SANBR: variants seen among roughly 807,000 people sequenced by gnomAD.
SANBR encodes SANT and BTB domain regulator of class switch recombination.
SANBR carries 77 observed loss-of-function variants against 101.8 expected under a neutral mutation model. The ratio of observed to expected loss-of-function variants is 0.76; its 90% CI spans 0.63 to 0.91. The LOEUF (loss-of-function observed/expected upper bound fraction) is 0.91. Ranked by LOEUF, SANBR falls within the 40% of genes least tolerant of loss-of-function variation. The pLI, the probability that SANBR is intolerant of heterozygous loss-of-function variation, is 0.00. For missense variants in SANBR, 875 were observed against 853.0 expected, an observed-to-expected ratio of 1.03 and a Z score of -0.32; for synonymous variants, 279 against 274.7, an observed-to-expected ratio of 1.02 and a Z score of -0.15.
chr2:61,075,027 G>T (rs1226700573), intron 5 of SANBR: 1 of 151,446 alleles, frequency 6.6e-6, no homozygotes, highest in African/African-American at 2.4e-5. Flanking sequence ...TGAACTCCTG[G>T]GCTCAAGCAG....
chr2:61,070,319 C>CTTTTTT, intron 2 of SANBR, 23 bp from the exon 3 acceptor site: 1 of 1,525,702 alleles, frequency 6.6e-7, no homozygotes, highest in South Asian at 1.3e-5. Context: ...TTAAATAAAG[C>CTTTTTT]TTTTTGTCTT....
intron 11 of SANBR, among the ~76,000 whole-genome samples, chr2:61,094,664 A>G (rs1468074498): frequency 2.1e-4 from 18 of 86,506 alleles, no homozygotes; most frequent in African/African-American, 7.1e-4. Context: ...TTTTTTTGAG[A>G]TGGAGTTTCA....
chr2:61,104,267 G>A (rs1284496466), intron 13 of SANBR, among the ~76,000 whole-genome samples: 2 of 152,070 alleles, frequency 1.3e-5, no homozygotes, highest in African/African-American at 2.4e-5. Context: ...CGGATCACGA[G>A]GTCAGGAGAT....
rs1350495863 is a variant in SANBR, at chr2:61,097,831, T to C, written c.1344T>C (p.Phe448=). 6.2e-7 allele frequency: 1 copy of C among 1,613,266 alleles called. No individual in the cohort carries two copies. The highest frequency in any genetic ancestry group is 1.3e-5 in the African/African-American group (1 of 75,028). The change falls in exon 12 of 22, where the codon TTT becomes TTC. Residue 448 remains phenylalanine (F), a synonymous_variant. Coordinates refer to ENST00000402291, the MANE Select transcript of SANBR (RefSeq NM_001129993.3). The part of the protein sequence containing the change: ...YPCCNQKVLR[F]DPTQLTKGCK... ...GCTGTAACCAAAAGGTTCTTCGGTT[T>C]GATCCTACTCAGCTTACAAAGGTGA...
At chr2:61,081,295 A>C (rs1682110779) in intron 6 of SANBR, among the ~76,000 whole-genome samples, 157 bp from the exon 7 acceptor site, 1 of 151,970 alleles carries the variant, frequency 6.6e-6, no homozygotes, top group Non-Finnish European at 1.5e-5. Context: ...TTAACATTGA[A>C]TTTTCTTTAT....
chr2:61,094,964 T>C (rs986543449), intron 11 of SANBR, among the ~76,000 whole-genome samples: 18 of 152,126 alleles, frequency 1.2e-4, no homozygotes, highest in African/African-American at 4.1e-4. Context: ...TCTTATTACC[T>C]AGGAGTAGGA....
In SANBR at chr2:61,092,518, A is replaced by C; in HGVS notation, c.1143A>C (p.Lys381Asn). Residue 381 changes from lysine to asparagine, a missense_variant, in exon 11 of 22, where the codon AAA becomes AAC. Transcript: ENST00000402291. ...EYLNSLFEEL[K>N]SWRDVYWRLW... The stretch of plus-strand genomic sequence containing the variant: ...TGAATAGTCTTTTCGAAGAATTAAA[A>C]TCTTGGAGAGATGTATACTGGCGAT... 6.2e-7 allele frequency: 1 copy of C among 1,606,828 alleles called. No homozygotes were observed. The highest frequency in any genetic ancestry group is 8.5e-7 in the Non-Finnish European group (1 of 1,176,540).
Position 61,123,591 on chromosome 2 carries a change from T to C in SANBR, c.*1429T>C. ...GTACTCTGTTAAATACCAGAGTTTT[T>C]TTTGTAGTTTACTGTGTTTTCTGAT... On this transcript the variant is annotated 3_prime_UTR_variant, in exon 22 of 22. Transcript: ENST00000402291. 4 of 981,926 alleles carry C rather than the reference T, an allele frequency of 4.1e-6. No homozygotes were observed. The highest frequency in any genetic ancestry group is 4.8e-6 in the Non-Finnish European group (4 of 826,568). 60.8% of individuals were successfully genotyped at this position (981,926 alleles called of 1,614,324 possible). A position where few individuals can be genotyped will look rare whatever the true frequency, so the allele number is the denominator to read the frequency against.
chr2:61,102,880 A>G (rs1387028486), intron 12 of SANBR, among the ~76,000 whole-genome samples: 1 of 152,052 alleles, frequency 6.6e-6, no homozygotes, highest in Non-Finnish European at 1.5e-5. Flanking sequence ...GTTAGCAAGC[A>G]TTTGGAGTAA....
At chr2:61,112,420 T>A (rs1057065237) in intron 16 of SANBR, among the ~76,000 whole-genome samples, 1 of 152,218 alleles carries the variant, frequency 6.6e-6, no homozygotes, top group African/African-American at 2.4e-5. Flanking sequence ...TGTATATACT[T>A]TAGATCTAAG....
chr2:61,095,289 C>A lies in SANBR; in HGVS notation c.1213-2411C>A, dbSNP rs181026785. On this transcript the variant is annotated intron_variant, in intron 11 of 21. Transcript: ENST00000402291. Reference sequence around the variant, plus strand: ...ATTGAATATTGATTGATGATATTGACTATTTATTATAGAGCTCATAAACTC... The same window carrying A: ...ATTGAATATTGATTGATGATATTGAATATTTATTATAGAGCTCATAAACTC... 5.2e-3 allele frequency among the ~76,000 whole-genome samples: 798 copies of A among 152,244 alleles called. 2 individuals are homozygous for A. Among genetic ancestry groups the A allele is most frequent in the African/African-American group, 0.019 (781 of 41,514 alleles).
intron 15 of SANBR, 77 bp downstream of exon 15, chr2:61,108,426 A>C: frequency 1.1e-6 from 1 of 944,826 alleles, no homozygotes. Flanking sequence ...GAATCTTATC[A>C]GTATCTTATT....
At chr2:61,102,702 A>C (rs1010840026) in intron 12 of SANBR, among the ~76,000 whole-genome samples, 2 of 151,832 alleles carry the variant, frequency 1.3e-5, no homozygotes, top group African/African-American at 4.8e-5. Flanking sequence ...ATGCCTGGCT[A>C]AATTTTTGTA....
chr2:61,104,521 G>A (rs1043367525), intron 13 of SANBR, among the ~76,000 whole-genome samples: 2 of 151,890 alleles, frequency 1.3e-5, no homozygotes, highest in African/African-American at 4.8e-5. Flanking sequence ...GATTAAAAAG[G>A]TTAAGACCTT....
intron 8 of SANBR, 66 bp downstream of exon 8, chr2:61,083,380 T>G (rs1446616398): frequency 2.4e-5 from 24 of 995,232 alleles, no homozygotes; most frequent in African/African-American, 3.3e-5. Flanking sequence ...CTATTTCATG[T>G]GAGTGAAATA....
chr2:61,103,800 A>C, intron 12 of SANBR, 53 bp from the exon 13 acceptor site: 1 of 1,524,852 alleles, frequency 6.6e-7, no homozygotes, highest in Non-Finnish European at 9.0e-7. Context: ...GTGATCTTTA[A>C]AGGAGTGTTC....
At chr2:61,088,105 C>A in intron 8 of SANBR, 54 bp from the exon 9 acceptor site, 1 of 932,060 alleles carries the variant, frequency 1.1e-6, no homozygotes, top group Non-Finnish European at 1.6e-6. Flanking sequence ...TGTTTATTTT[C>A]ATCACTATAA....
At chr2:61,097,242 T>A (rs1024210409) in intron 11 of SANBR, among the ~76,000 whole-genome samples, 9 of 152,326 alleles carry the variant, frequency 5.9e-5, no homozygotes, top group African/African-American at 2.2e-4. Flanking sequence ...AGTTGTAAAA[T>A]TGAGTGTATA....
chr2:61,088,104 T>G, intron 8 of SANBR, 55 bp from the exon 9 acceptor site: 1 of 930,122 alleles, frequency 1.1e-6, no homozygotes, highest in Non-Finnish European at 1.6e-6. Context: ...TTGTTTATTT[T>G]CATCACTATA....
Sources: gnomAD v4.1 joint callset for allele counts (sites outside exome capture counted in the v4.1 genomes callset) on GRCh38, gnomAD v4.1.1 for gene constraint, MANE v1.5 for transcripts, NCBI Gene and HGNC (gene_info 2026-07-23, HGNC 2026-07-21) for gene names.